The following PARP11 variants were observed in gnomAD, a reference collection of about 807,000 sequenced individuals.
PARP11 encodes the protein poly(ADP-ribose) polymerase family member 11, also known as protein mono-ADP-ribosyltransferase PARP11.
PARP11 carries 31 observed loss-of-function variants against 42.9 expected under a neutral mutation model. The ratio of observed to expected loss-of-function variants is 0.72; its 90% CI spans 0.54 to 0.98. PARP11 has a LOEUF of 0.98. Among genes scored for constraint, PARP11 ranks in the 50% least tolerant of loss-of-function variants. PARP11 has a pLI of 0.00. For synonymous variants in PARP11, 137 were observed against 127.3 expected (o/e 1.08, Z -0.51); for missense variants, 365 against 413.1 (o/e 0.88, Z 1.01).
intron 1 of PARP11, among the ~76,000 whole-genome samples, chr12:3,869,376 CACTT>C (rs1161260891): frequency 2.0e-5 from 3 of 152,318 alleles, no homozygotes; most frequent in Admixed American, 6.5e-5. Context: ...ATGTTCATGA[CACTT>C]CCTTCAATGT....
In PARP11 at chr12:3,833,159, T is replaced by A. The variant is rs145634539; in HGVS notation, c.19-3141A>T. On this transcript the variant is annotated intron_variant, in intron 1 of 7. Coordinates refer to ENST00000228820, the MANE Select transcript of PARP11 (RefSeq NM_020367.6). ...TTATTTTGTTAGCATGAGTATAGTA[T>A]CTTCAGGAAATCATATTTGGTAATA... is the stretch of plus-strand genomic sequence containing the variant. Among the ~76,000 whole-genome samples the A allele has an allele frequency of 6.6e-5, 10 of 152,348 alleles. No homozygotes were observed. The East Asian group carries it at 1.9e-3, about 29-fold the overall frequency.
At chr12:3,825,440 C>T (rs779571472) in intron 4 of PARP11, among the ~76,000 whole-genome samples, 7 of 152,150 alleles carry the variant, frequency 4.6e-5, no homozygotes, top group Non-Finnish European at 8.8e-5. Context: ...CAATGGAGAT[C>T]AATGTAGGTG....
At position 3,812,831 on chromosome 12, in the gene PARP11, C is replaced by A. The variant is rs374584617; in HGVS notation, c.701-392G>T. 1.2e-4 allele frequency among the ~76,000 whole-genome samples: 19 copies of A among 152,252 alleles called. No individual in the cohort carries two copies. In the East Asian group the frequency reaches 3.7e-3, roughly 29 times the overall value. On this transcript the variant is annotated intron_variant, in intron 7 of 7. Coordinates refer to ENST00000228820, the MANE Select transcript of PARP11 (RefSeq NM_020367.6). ...TTGTTCTGTTTTTTTGAGACAGAGT[C>A]TTGCTCTGTCTCCCAAGCTGGAGTG...
At chr12:3,857,664 A>G (rs1948217665) in intron 1 of PARP11, among the ~76,000 whole-genome samples, 1 of 151,876 alleles carries the variant, frequency 6.6e-6, no homozygotes, top group African/African-American at 2.4e-5. Context: ...AAGAAAAGGC[A>G]TGTATCACCA....
intron 1 of PARP11, among the ~76,000 whole-genome samples, chr12:3,855,879 C>T (rs1177142529): frequency 6.6e-6 from 1 of 152,182 alleles, no homozygotes; most frequent in Non-Finnish European, 1.5e-5. Flanking sequence ...TCAAACTATA[C>T]TAAAAGGCTA....
chr12:3,838,899 C>T (rs1040142272), intron 1 of PARP11, among the ~76,000 whole-genome samples: 7 of 152,178 alleles, frequency 4.6e-5, no homozygotes, highest in Non-Finnish European at 1.0e-4. Flanking sequence ...GGCGTGCGCG[C>T]CTGGGGCGGG....
At chr12:3,869,967 A>G (rs965143692) in intron 1 of PARP11, among the ~76,000 whole-genome samples, 1 of 152,194 alleles carries the variant, frequency 6.6e-6, no homozygotes, top group Non-Finnish European at 1.5e-5. Flanking sequence ...TGCAGTGTGG[A>G]TATGCTGGAC....
chr12:3,840,471 G>C lies in PARP11; in HGVS notation c.19-10453C>G. The C allele has an allele frequency of 4.3e-6, 7 of 1,613,200 alleles. No homozygotes were observed. Among genetic ancestry groups the C allele is most frequent in the Non-Finnish European group, 5.9e-6 (7 of 1,179,142 alleles). On this transcript the variant is annotated intron_variant, in intron 1 of 7. Coordinates refer to ENST00000228820, the MANE Select transcript of PARP11 (RefSeq NM_020367.6). This position sits in a 1 kb window ranked among gnomAD's most constrained non-coding sequence, Gnocchi z 4.4. ...ATCCTTCAGGAGTAAGACAACGTGA[G>C]TTCTCTAGTCATTCTTCAGGGTCAC...
At chr12:3,858,627 AAC>A (rs1028955635) in intron 1 of PARP11, among the ~76,000 whole-genome samples, 7 of 152,242 alleles carry the variant, frequency 4.6e-5, no homozygotes, top group African/African-American at 1.4e-4. Flanking sequence ...TTTTAATCAA[AAC>A]ACAGCATCAT....
At position 3,824,622 on chromosome 12, in the gene PARP11, C is replaced by G. The variant is rs191497396; in HGVS notation, c.344+1536G>C. On this transcript the variant is annotated intron_variant, in intron 4 of 7. Transcript: ENST00000228820. Reference sequence around the variant, plus strand: ...TTTTATTATTATCTTGCTTATTGTCCTCCATTCTGCTTAGTTCTCTCCTTG... The same window carrying G: ...TTTTATTATTATCTTGCTTATTGTCGTCCATTCTGCTTAGTTCTCTCCTTG... 3.7e-5 allele frequency: 36 copies of G among 984,052 alleles called. No individual in the cohort carries two copies. The South Asian group carries it at 4.7e-4, about 13-fold the overall frequency. 61.0% of individuals were successfully genotyped at this position (984,052 alleles called of 1,614,324 possible). A position where few individuals can be genotyped will look rare whatever the true frequency, so the allele number is the denominator to read the frequency against.
At chr12:3,870,057 C>T (rs914467296) in intron 1 of PARP11, among the ~76,000 whole-genome samples, 66 of 152,284 alleles carry the variant, frequency 4.3e-4, no homozygotes, top group African/African-American at 1.5e-3. Flanking sequence ...CAGTATGCAA[C>T]TTAAAAGTTA....
At position 3,840,612 on chromosome 12, in the gene PARP11, CTA is replaced by C. The variant is rs144217958; in HGVS notation, c.19-10596_19-10595del. 6,455 of 1,290,528 alleles carry C rather than the reference CTA, an allele frequency of 5.0e-3. 24 individuals carry two copies. Among genetic ancestry groups the C allele is most frequent in the Non-Finnish European group, 6.0e-3 (5,317 of 884,982 alleles). 79.9% of individuals were successfully genotyped at this position (1,290,528 alleles called of 1,614,324 possible). ...CTGATCACACAAGTCGAGAATCTAA[CTA>C]TTGCTACTTCTCAGAGTAGCAATCC... On this transcript the variant is annotated intron_variant, in intron 1 of 7. Transcript: ENST00000228820. The surrounding 1 kb of genome is among the most constrained non-coding windows in gnomAD (Gnocchi z 4.4).
chr12:3,825,566 A>T (rs1947501627), intron 4 of PARP11, among the ~76,000 whole-genome samples: 4 of 152,200 alleles, frequency 2.6e-5, no homozygotes, highest in Admixed American at 2.6e-4. Context: ...ATGAGTTTAG[A>T]GCAGAGACCA....
intron 1 of PARP11, chr12:3,842,218 G>A: frequency 6.2e-7 from 1 of 1,605,756 alleles, no homozygotes; most frequent in Non-Finnish European, 8.5e-7. Flanking sequence ...GTGGATAGCA[G>A]AGTGCAAAGA....
At position 3,809,953 on chromosome 12, in the gene PARP11, T is replaced by C. The variant is rs1356740425; in HGVS notation, c.*2170A>G. The stretch of plus-strand genomic sequence containing the variant: ...TTTGTTGCCACTTTGTTTCAAAGTA[T>C]TGTACATGCAATGTCCTGGGTACTA... On this transcript the variant is annotated 3_prime_UTR_variant, in exon 8 of 8. Coordinates refer to ENST00000228820, the MANE Select transcript of PARP11 (RefSeq NM_020367.6). The C allele has an allele frequency of 2.6e-5, 4 of 152,276 alleles. No individual in the cohort carries two copies. Among genetic ancestry groups the C allele is most frequent in the African/African-American group, 9.6e-5 (4 of 41,476 alleles). 9.4% of individuals were successfully genotyped at this position (152,276 alleles called of 1,614,324 possible). A position where few individuals can be genotyped will look rare whatever the true frequency, so the allele number is the denominator to read the frequency against.
chr12:3,851,881 A>G (rs1436388829), intron 1 of PARP11, among the ~76,000 whole-genome samples: 1 of 152,198 alleles, frequency 6.6e-6, no homozygotes, highest in African/African-American at 2.4e-5. Context: ...CACCTCATAC[A>G]GTCGGATGCC....
chr12:3,821,105 A>T (rs1947382213), intron 6 of PARP11, among the ~76,000 whole-genome samples: 1 of 152,216 alleles, frequency 6.6e-6, no homozygotes, highest in African/African-American at 2.4e-5. Context: ...AATCAGGATG[A>T]CGGATACATG....
At chr12:3,838,822 G>T (rs1223482041) in intron 1 of PARP11, among the ~76,000 whole-genome samples, 1 of 152,164 alleles carries the variant, frequency 6.6e-6, no homozygotes, top group Non-Finnish European at 1.5e-5. Flanking sequence ...TTTCTTTTTT[G>T]GTTTCCTCGG....
At chr12:3,841,823 C>G in intron 1 of PARP11, 1 of 1,608,664 alleles carries the variant, frequency 6.2e-7, no homozygotes, top group Non-Finnish European at 8.5e-7. Flanking sequence ...GTCCTGCCCT[C>G]TGATGAGAAA....
Sources: allele counts gnomAD v4.1 joint callset (sites outside exome capture counted in the v4.1 genomes callset), GRCh38; gene constraint gnomAD v4.1.1; non-coding constraint Gnocchi (gnomAD v3.1); transcripts MANE v1.5; gene names NCBI Gene and HGNC (gene_info 2026-07-23, HGNC 2026-07-21).